The following PLEKHA2 variants were observed in gnomAD, a reference collection of about 807,000 sequenced individuals.
PLEKHA2 encodes the protein pleckstrin homology domain containing A2.
Under a neutral mutation model 53.2 loss-of-function variants are expected in PLEKHA2, and 28 were observed. That is an observed-to-expected ratio of 0.53 (90% CI 0.39 to 0.72). The LOEUF is 0.72. Among genes scored for constraint, PLEKHA2 ranks in the 30% least tolerant of loss-of-function variants. The pLI, the probability that PLEKHA2 is intolerant of heterozygous loss-of-function variation, is 0.00. For synonymous variants in PLEKHA2, 193 were observed against 196.4 expected (o/e 0.98, Z 0.14); for missense variants, 426 against 537.9 (o/e 0.79, Z 2.06).
intron 9 of PLEKHA2, among the ~76,000 whole-genome samples, chr8:38,956,568 G>A (rs1261090302): frequency 6.6e-6 from 1 of 152,130 alleles, no homozygotes; most frequent in African/African-American, 2.4e-5. Context: ...GGGAAGCTGA[G>A]GCAGGCAGAT....
chr8:38,915,388 C>A (rs1281019394), intron 1 of PLEKHA2, among the ~76,000 whole-genome samples: 4 of 152,242 alleles, frequency 2.6e-5, no homozygotes, highest in African/African-American at 9.6e-5. Flanking sequence ...GGCTGAAAGT[C>A]CAAGGGCAGG....
At chr8:38,905,968 G>A (rs1833867176) in intron 1 of PLEKHA2, among the ~76,000 whole-genome samples, 1 of 152,238 alleles carries the variant, frequency 6.6e-6, no homozygotes, top group African/African-American at 2.4e-5. Flanking sequence ...TCAGGCGTGA[G>A]CCACTGTGCC....
chr8:38,925,502 C>T lies in PLEKHA2; in HGVS notation c.141+7432C>T, dbSNP rs370179871. On this transcript the variant is annotated intron_variant, in intron 2 of 11. Coordinates refer to ENST00000617275, the MANE Select transcript of PLEKHA2 (RefSeq NM_021623.2). Reference sequence around the variant, plus strand: ...ATTTACTCTGTCAAATGTGTTTTTTCCTCTTTTTCCAAAAAATACGTAGTT... The same window carrying T: ...ATTTACTCTGTCAAATGTGTTTTTTTCTCTTTTTCCAAAAAATACGTAGTT... Among the ~76,000 whole-genome samples the T allele has an allele frequency of 3.0e-3, 458 of 152,242 alleles. 3 individuals are homozygous for T. Among genetic ancestry groups the T allele is most frequent in the African/African-American group, 0.011 (441 of 41,544 alleles).
intron 6 of PLEKHA2, among the ~76,000 whole-genome samples, chr8:38,951,765 G>C (rs1834848294): frequency 6.6e-6 from 1 of 151,988 alleles, no homozygotes; most frequent in South Asian, 2.1e-4. Flanking sequence ...GAAGTGCAGT[G>C]GTGCAATCAT....
chr8:38,939,343 G>C (rs1834555498), intron 3 of PLEKHA2, among the ~76,000 whole-genome samples: 1 of 152,158 alleles, frequency 6.6e-6, no homozygotes. Context: ...GACATTGAGG[G>C]TCTTACCCTT....
At chr8:38,938,981 T>G (rs1834549173) in intron 3 of PLEKHA2, among the ~76,000 whole-genome samples, 1 of 151,818 alleles carries the variant, frequency 6.6e-6, no homozygotes, top group South Asian at 2.1e-4. Flanking sequence ...TCGCCTCACT[T>G]CAACCTTTGC....
chr8:38,925,691 G>A (rs541757612), intron 2 of PLEKHA2, among the ~76,000 whole-genome samples: 33 of 152,298 alleles, frequency 2.2e-4, no homozygotes, highest in East Asian at 5.8e-4. Flanking sequence ...GGTGAAGAGC[G>A]TTAGCAGTGT....
intron 10 of PLEKHA2, among the ~76,000 whole-genome samples, chr8:38,967,662 C>T (rs1835165680): frequency 6.7e-6 from 1 of 149,816 alleles, no homozygotes; most frequent in Non-Finnish European, 1.5e-5. Context: ...GTCCTTTGCT[C>T]ACTTTTTTTT....
At chr8:38,929,809 G>T (rs1834356090) in intron 2 of PLEKHA2, among the ~76,000 whole-genome samples, 1 of 152,204 alleles carries the variant, frequency 6.6e-6, no homozygotes, top group South Asian at 2.1e-4. Flanking sequence ...AGCCTTAGAG[G>T]ACTCATGTGT....
chr8:38,914,307 G>A (rs1833999318), intron 1 of PLEKHA2, among the ~76,000 whole-genome samples: 1 of 152,254 alleles, frequency 6.6e-6, no homozygotes, highest in African/African-American at 2.4e-5. Flanking sequence ...TTTGTTCCTA[G>A]GGGCTGCCTC....
chr8:38,946,285 G>C (rs934844509), intron 5 of PLEKHA2, 64 bp downstream of exon 5: 2 of 1,394,820 alleles, frequency 1.4e-6, no homozygotes, highest in African/African-American at 2.9e-5. Context: ...CTATGGCCTT[G>C]TTGGGGTTGG....
intron 10 of PLEKHA2, among the ~76,000 whole-genome samples, chr8:38,960,393 A>G: frequency 6.6e-6 from 1 of 152,056 alleles, no homozygotes. Context: ...GCAGGAGGAG[A>G]GTTTGAGCCC....
intron 10 of PLEKHA2, among the ~76,000 whole-genome samples, chr8:38,958,807 G>C (rs1834988628): frequency 6.6e-6 from 1 of 152,166 alleles, no homozygotes; most frequent in Admixed American, 6.5e-5. Context: ...TTTTGTCTCA[G>C]GCTGGGGACA....
intron 2 of PLEKHA2, among the ~76,000 whole-genome samples, chr8:38,925,935 A>G (rs183869108): frequency 1.1e-4 from 17 of 152,368 alleles, no homozygotes; most frequent in Admixed American, 9.1e-4. Flanking sequence ...CCAGGAAATA[A>G]TGTTCTTTAA....
Position 38,917,923 on chromosome 8 carries a change from C to T in PLEKHA2, c.-7C>T. On this transcript the variant is annotated 5_prime_UTR_variant, in exon 2 of 12. Transcript: ENST00000617275. ...TGCGCGCAGGGTGATGTGAGCAGAGCCCAGGAATGCCTTATGTGGATCGGC... is the reference window on the plus strand; with the variant it reads ...TGCGCGCAGGGTGATGTGAGCAGAGTCCAGGAATGCCTTATGTGGATCGGC... The T allele has an allele frequency of 6.2e-7, 1 of 1,613,452 alleles. No individual in the cohort carries two copies.
At chr8:38,940,084 C>G (rs1834573890) in intron 3 of PLEKHA2, among the ~76,000 whole-genome samples, 1 of 120,316 alleles carries the variant, frequency 8.3e-6, no homozygotes, top group Admixed American at 9.0e-5. Flanking sequence ...AGAGTGAGAC[C>G]CTATCTCTTA....
chr8:38,936,184 A>G, intron 3 of PLEKHA2, 134 bp downstream of exon 3: 1 of 936,696 alleles, frequency 1.1e-6, no homozygotes, highest in Non-Finnish European at 1.7e-6. Context: ...CCCTGAACCC[A>G]CACAATGCCT....
In PLEKHA2 at chr8:38,923,515, A is replaced by T. The variant is rs149200887; in HGVS notation, c.141+5445A>T. 9.6e-3 allele frequency among the ~76,000 whole-genome samples: 1,467 copies of T among 152,136 alleles called. 29 individuals carry two copies. Among genetic ancestry groups the T allele is most frequent in the African/African-American group, 0.033 (1,387 of 41,524 alleles). On this transcript the variant is annotated intron_variant, in intron 2 of 11. Transcript: ENST00000617275. ...AGCTACCGCGCCCAGCCTGTAGGTG[A>T]TCCTTACGTGCCTTTTATCCTTTCA... is the stretch of plus-strand genomic sequence containing the variant.
intron 1 of PLEKHA2, chr8:38,902,118 T>C (rs1833796488): frequency 6.6e-6 from 1 of 151,082 alleles, no homozygotes; most frequent in African/African-American, 2.4e-5. Flanking sequence ...TCGTTCTCTC[T>C]CTCACCAACT....
Sources: gnomAD v4.1 joint callset for allele counts (sites outside exome capture counted in the v4.1 genomes callset) on GRCh38, gnomAD v4.1.1 for gene constraint, MANE v1.5 for transcripts, NCBI Gene and HGNC (gene_info 2026-07-23, HGNC 2026-07-21) for gene names.